SLC7A14: variants seen among roughly 807,000 people sequenced by gnomAD.
SLC7A14 encodes solute carrier family 7 member 14.
A neutral mutation model predicts 60.2 loss-of-function variants in SLC7A14; 37 were observed. That is an observed-to-expected ratio of 0.61 (90% CI 0.47 to 0.81). SLC7A14 has a LOEUF of 0.81. Among genes scored for constraint, SLC7A14 ranks in the 30% least tolerant of loss-of-function variants. The pLI is 0.00. For synonymous variants in SLC7A14, 399 were observed against 395.8 expected, an observed-to-expected ratio of 1.01 and a Z score of -0.10; for missense variants, 886 against 982.7, an observed-to-expected ratio of 0.90 and a Z score of 1.32.
At chr3:170,565,328 A>G (rs931378508) in intron 1 of SLC7A14, among the ~76,000 whole-genome samples, 1 of 152,188 alleles carries the variant, frequency 6.6e-6, no homozygotes, top group South Asian at 2.1e-4. Context: ...GTCAGGGTCT[A>G]GTCCTTTCCT....
intron 1 of SLC7A14, among the ~76,000 whole-genome samples, chr3:170,577,344 C>T (rs57992505): frequency 0.016 from 2,382 of 152,158 alleles, 66 homozygotes; most frequent in African/African-American, 0.053. Context: ...GGAGGCCGGG[C>T]GCGGTGGCTC....
chr3:170,545,135 T>C (rs1301173355), intron 1 of SLC7A14, among the ~76,000 whole-genome samples: 2 of 152,352 alleles, frequency 1.3e-5, no homozygotes, highest in East Asian at 3.9e-4. Flanking sequence ...GCTTCATAAA[T>C]TTTAGAAACA....
At chr3:170,482,771 T>C (rs1389751247) in intron 6 of SLC7A14, among the ~76,000 whole-genome samples, 1 of 152,156 alleles carries the variant, frequency 6.6e-6, no homozygotes, top group African/African-American at 2.4e-5. Flanking sequence ...ATATGCAAAA[T>C]AGAGTTACTG....
intron 4 of SLC7A14, among the ~76,000 whole-genome samples, chr3:170,488,381 C>T (rs1712104247): frequency 6.6e-6 from 1 of 152,040 alleles, no homozygotes; most frequent in Non-Finnish European, 1.5e-5. Flanking sequence ...TCTTTGGCCT[C>T]CAGACAAGGA....
chr3:170,533,679 GGT>G lies in SLC7A14; in HGVS notation c.-152-6593_-152-6592del, dbSNP rs397696195. Among the ~76,000 whole-genome samples the G allele has an allele frequency of 7.7e-3, 1,101 of 143,792 alleles. 11 individuals carry two copies. Among genetic ancestry groups the G allele is most frequent in the Non-Finnish European group, 0.012 (775 of 66,576 alleles). 94.3% of individuals were successfully genotyped at this position (143,792 alleles called of 152,430 possible). A position where few individuals can be genotyped will look rare whatever the true frequency, so the allele number is the denominator to read the frequency against. ...TGTGTGTGTGTGTGTGTGTGTGTGT[GGT>G]GTGTGTGTGTGCACGCACACACATG... On this transcript the variant is annotated intron_variant, in intron 1 of 7. Transcript: ENST00000231706.
chr3:170,498,907 G>A (rs745340993), intron 3 of SLC7A14, 23 bp from the exon 4 acceptor site: 3 of 1,611,234 alleles, frequency 1.9e-6, no homozygotes, highest in Non-Finnish European at 2.5e-6. Flanking sequence ...GACATGATTT[G>A]ACATTGTCTG....
intron 7 of SLC7A14, among the ~76,000 whole-genome samples, chr3:170,468,848 A>G (rs1739798178): frequency 6.6e-6 from 1 of 152,202 alleles, no homozygotes; most frequent in African/African-American, 2.4e-5. Context: ...AAATGAGGTA[A>G]GTGGTGGTTC....
At chr3:170,528,645 G>A (rs1713582829) in intron 1 of SLC7A14, among the ~76,000 whole-genome samples, 1 of 152,148 alleles carries the variant, frequency 6.6e-6, no homozygotes, top group African/African-American at 2.4e-5. Flanking sequence ...TTTTTTCCTA[G>A]CTTTGACAGT....
chr3:170,498,658 C>A lies in SLC7A14; in HGVS notation c.759+9G>T, dbSNP rs747808220. 3 of 1,613,716 alleles carry A rather than the reference C, an allele frequency of 1.9e-6. No homozygotes were observed. The highest frequency in any genetic ancestry group is 4.5e-5 in the East Asian group (2 of 44,890). The stretch of plus-strand genomic sequence containing the variant: ...TGACAGGCACACCAGGTGTTTGGAA[C>A]AAACTTACCCCTGACCAGCCGTGGG... On this transcript the variant is annotated intron_variant, in intron 4 of 7. Coordinates refer to ENST00000231706, the MANE Select transcript of SLC7A14 (RefSeq NM_020949.3).
intron 3 of SLC7A14, among the ~76,000 whole-genome samples, chr3:170,499,894 T>C (rs1712548492): frequency 1.3e-5 from 2 of 152,230 alleles, no homozygotes; most frequent in Non-Finnish European, 2.9e-5. Flanking sequence ...AGGACATGAA[T>C]GGCCTGATTT....
rs1326800640 is a variant in SLC7A14, at chr3:170,466,724, C to T, written c.*331G>A. 4.7e-6 allele frequency: 1 copy of T among 212,564 alleles called. No homozygotes were observed. Among genetic ancestry groups the T allele is most frequent in the African/African-American group, 2.3e-5 (1 of 43,150 alleles). 13.2% of individuals were successfully genotyped at this position (212,564 alleles called of 1,614,324 possible). ...TGAAATTCTGCCTTCTGCCCAGAGCCCCTGCTTGGGCTTCAACCAGCAAAG... is the reference window on the plus strand; with the variant it reads ...TGAAATTCTGCCTTCTGCCCAGAGCTCCTGCTTGGGCTTCAACCAGCAAAG... On this transcript the variant is annotated 3_prime_UTR_variant, in exon 8 of 8. Transcript: ENST00000231706.
intron 4 of SLC7A14, among the ~76,000 whole-genome samples, chr3:170,495,460 A>G (rs1339180026): frequency 6.6e-6 from 1 of 152,202 alleles, no homozygotes; most frequent in Non-Finnish European, 1.5e-5. Flanking sequence ...AGGGTGACCC[A>G]GAAGTCCTAC....
chr3:170,488,952 T>C (rs1394708703), intron 4 of SLC7A14, among the ~76,000 whole-genome samples: 1 of 152,108 alleles, frequency 6.6e-6, no homozygotes, highest in African/African-American at 2.4e-5. Flanking sequence ...GTACTTTGTT[T>C]TCATCCAACG....
chr3:170,552,783 T>C (rs576190214), intron 1 of SLC7A14, among the ~76,000 whole-genome samples: 1 of 152,228 alleles, frequency 6.6e-6, no homozygotes, highest in Non-Finnish European at 1.5e-5. Flanking sequence ...CCCACATGGT[T>C]AAAATAGGAA....
rs1267416857 is a variant in SLC7A14 at position 170,486,242 on chromosome 3, AGAT to A, written c.883_885del (p.Ile295del). 2 of 1,614,114 alleles carry A rather than the reference AGAT, an allele frequency of 1.2e-6. No homozygotes were observed. The highest frequency in any genetic ancestry group is 1.7e-6 in the Non-Finnish European group (2 of 1,180,048). On this transcript the variant is annotated inframe_deletion, in exon 5 of 8. Transcript: ENST00000231706. The stretch of plus-strand genomic sequence containing the variant: ...CTTACAGACACATATGCTGTCAGGC[AGAT>A]GACCAGGGAGGCAGTGATAGCATAA...
intron 1 of SLC7A14, among the ~76,000 whole-genome samples, chr3:170,542,796 C>A (rs1362533630): frequency 6.6e-6 from 1 of 152,142 alleles, no homozygotes; most frequent in Non-Finnish European, 1.5e-5. Context: ...TTCGGAAGGA[C>A]ATGTCCTTTA....
chr3:170,512,596 C>G (rs1454633971), intron 2 of SLC7A14, among the ~76,000 whole-genome samples: 1 of 151,858 alleles, frequency 6.6e-6, no homozygotes. Context: ...TCTACTCCCC[C>G]ACACCTCAGA....
intron 2 of SLC7A14, among the ~76,000 whole-genome samples, chr3:170,504,706 C>A (rs571778372): frequency 6.6e-6 from 1 of 152,034 alleles, no homozygotes; most frequent in Non-Finnish European, 1.5e-5. Flanking sequence ...TGAAATGAGA[C>A]GGCCAATTAG....
intron 6 of SLC7A14, among the ~76,000 whole-genome samples, chr3:170,482,800 C>G (rs1031367913): frequency 1.3e-5 from 2 of 152,138 alleles, no homozygotes; most frequent in African/African-American, 4.8e-5. Context: ...AAATGGGATA[C>G]TGTATACACA....
Sources: allele counts gnomAD v4.1 joint callset (sites outside exome capture counted in the v4.1 genomes callset), GRCh38; gene constraint gnomAD v4.1.1; transcripts MANE v1.5; gene names NCBI Gene and HGNC (gene_info 2026-07-23, HGNC 2026-07-21).